Variants in TKFC observed in about 807,000 individuals in gnomAD.
TKFC encodes the protein triokinase/FMN cyclase.
Under a neutral mutation model 61.0 loss-of-function variants are expected in TKFC, and 46 were observed. That is an observed-to-expected ratio of 0.75 (90% CI 0.60 to 0.96). The LOEUF is 0.96. TKFC is among the 50% of genes least tolerant of loss of function. The pLI is 0.00. For missense variants in TKFC, 715 were observed against 777.5 expected, an observed-to-expected ratio of 0.92 and a Z score of 0.96; for synonymous variants, 314 against 330.1, an observed-to-expected ratio of 0.95 and a Z score of 0.53.
intron 13 of TKFC, 27 bp from the exon 14 acceptor site, chr11:61,345,233 T>C: frequency 6.7e-7 from 1 of 1,495,138 alleles, no homozygotes; most frequent in South Asian, 1.3e-5. Flanking sequence ...GATCTCTGAA[T>C]TCCTCCCCAT....
At chr11:61,350,864 C>A (rs1443779267), downstream of TKFC, 7 of 1,386,774 alleles carry the variant, frequency 5.0e-6, no homozygotes, top group Non-Finnish European at 6.7e-6. Context: ...TAACTCCACC[C>A]TCAAGTTACT....
At position 61,345,903 on chromosome 11, in the gene TKFC, G is replaced by A; in HGVS notation, c.1532G>A (p.Ser511Asn). Residue 511 changes from serine (S) to asparagine (N), a missense_variant, in exon 17 of 18, where the codon AGC (serine) becomes AAC (asparagine). Coordinates refer to ENST00000394900, the MANE Select transcript of TKFC (RefSeq NM_015533.4). The part of the protein sequence containing the change: ...AAGQELQAWK[S>N]PGADLLQVLT... ...GGGCAGGAGCTCCAAGCCTGGAAGAGCCCAGGAGCTGATCTGTTACAAGTC... is the reference window on the plus strand; with the variant it reads ...GGGCAGGAGCTCCAAGCCTGGAAGAACCCAGGAGCTGATCTGTTACAAGTC... 6 of 1,614,122 alleles carry A rather than the reference G, an allele frequency of 3.7e-6. No homozygotes were observed. The highest frequency in any genetic ancestry group is 1.3e-5 in the African/African-American group (1 of 75,056).
chr11:61,353,376 T>G, downstream of TKFC: 1 of 611,054 alleles, frequency 1.6e-6, no homozygotes. Flanking sequence ...CCAACCACCT[T>G]GTTTGTCTCT....
Position 61,347,601 on chromosome 11 carries a change from C to T in TKFC, c.*1098C>T, listed in dbSNP as rs1400410087. The T allele has an allele frequency of 7.1e-6, 7 of 984,406 alleles. No homozygotes were observed. Among genetic ancestry groups the T allele is most frequent in the African/African-American group, 1.8e-5 (1 of 56,828 alleles). 61.0% of individuals were successfully genotyped at this position (984,406 alleles called of 1,614,324 possible). A position where few individuals can be genotyped will look rare whatever the true frequency, so the allele number is the denominator to read the frequency against. The stretch of plus-strand genomic sequence containing the variant: ...CCAGCCCCTAGGTCTCTTTCTAGAG[C>T]GATCACTGATGGCACCAGGGTGAGC... On this transcript the variant is annotated 3_prime_UTR_variant, in exon 18 of 18. Transcript: ENST00000394900.
At chr11:61,352,280 A>G (rs1857447870), downstream of TKFC, 2 of 149,530 alleles carry the variant, frequency 1.3e-5, 1 homozygote, top group South Asian at 4.3e-4. Flanking sequence ...GCCCTCGGGT[A>G]AGTTACGTAA....
At position 61,345,052 on chromosome 11, in the gene TKFC, G is replaced by C. The variant is rs574004651; in HGVS notation, c.1241-208G>C. 2.0e-5 allele frequency among the ~76,000 whole-genome samples: 3 copies of C among 152,330 alleles called. No individual in the cohort carries two copies. In the South Asian group the frequency reaches 6.2e-4, roughly 32 times the overall value. On this transcript the variant is annotated intron_variant, in intron 13 of 17. Transcript: ENST00000394900. ...CAGAGTACAGAGCGTCAAGTGGAGG[G>C]CTTCGGGGCAGGCCTCACCTCCCCA...
downstream of TKFC, chr11:61,349,698 C>T (rs1210173812): frequency 2.1e-5 from 15 of 700,822 alleles, no homozygotes; most frequent in Middle Eastern, 2.3e-4. Context: ...AGCAGCAATA[C>T]GAAACAGAAC....
chr11:61,338,897 T>C (rs1275761022), intron 3 of TKFC, among the ~76,000 whole-genome samples, 169 bp from the exon 4 acceptor site: 1 of 152,158 alleles, frequency 6.6e-6, no homozygotes, highest in Non-Finnish European at 1.5e-5. Flanking sequence ...AGAAGGCCTC[T>C]CTAAGATGCC....
chr11:61,345,927 T>G lies in TKFC; in HGVS notation c.1556T>G (p.Val519Gly). The change falls in exon 17 of 18, where the codon GTC becomes GGC. Residue 519 changes from valine to glycine, a missense_variant. By Grantham distance (109) the Val-to-Gly change is moderately radical. Transcript: ENST00000394900. ...AGCCCAGGAGCTGATCTGTTACAAG[T>G]CCTGACCAAAGCAGTCAAGGTGAGT... The part of the protein sequence containing the change: ...WKSPGADLLQ[V>G]LTKAVKSAEA... The G allele has an allele frequency of 6.2e-7, 1 of 1,613,932 alleles. No individual in the cohort carries two copies. The highest frequency in any genetic ancestry group is 8.5e-7 in the Non-Finnish European group (1 of 1,180,016).
At position 61,343,928 on chromosome 11, in the gene TKFC, T is replaced by G. The variant is rs61742358; in HGVS notation, c.1055T>G (p.Val352Gly). Residue 352 changes from valine (V) to glycine (G), a missense_variant, in exon 12 of 18, where the codon GTA (valine) becomes GGA (glycine). Transcript: ENST00000394900. ...ATTACTGGGCGGAAGCGGAGCCGGG[T>G]AGCCCCTGCCGAGCCCCAGGAGGCC... ...VSITGRKRSR[V>G]APAEPQEAPD... 1.6e-3 allele frequency: 2,642 copies of G among 1,611,132 alleles called. 50 individuals carry two copies. In the African/African-American group the frequency reaches 0.031, roughly 19 times the overall value.
At chr11:61,338,673 G>T (rs1235949587) in intron 3 of TKFC, among the ~76,000 whole-genome samples, 2 of 152,202 alleles carry the variant, frequency 1.3e-5, no homozygotes, top group African/African-American at 4.8e-5. Context: ...ACCTGGCGCT[G>T]TACTGGGCAC....
At chr11:61,353,400 C>T (rs1857509688), downstream of TKFC, 4 of 607,374 alleles carry the variant, frequency 6.6e-6, no homozygotes, top group South Asian at 3.8e-5. Context: ...TCCTTCCAGT[C>T]CTTGCTCATA....
chr11:61,336,592 A>G (rs1389776058), intron 2 of TKFC, among the ~76,000 whole-genome samples: 2 of 152,232 alleles, frequency 1.3e-5, no homozygotes, highest in African/African-American at 4.8e-5. Flanking sequence ...TATTTTACAG[A>G]GGAAGAATTT....
downstream of TKFC, chr11:61,351,105 C>G: frequency 6.2e-7 from 1 of 1,613,834 alleles, no homozygotes; most frequent in East Asian, 2.2e-5. Context: ...TGGCAAAGAC[C>G]GCCTCACTGG....
chr11:61,344,824 T>C (rs745654764), intron 13 of TKFC, among the ~76,000 whole-genome samples: 2 of 152,338 alleles, frequency 1.3e-5, no homozygotes, highest in Non-Finnish European at 2.9e-5. Context: ...CTGTCCAGCA[T>C]CATTCATTCG....
At chr11:61,344,988 A>G (rs1857046373) in intron 13 of TKFC, among the ~76,000 whole-genome samples, 1 of 152,228 alleles carries the variant, frequency 6.6e-6, no homozygotes, top group Non-Finnish European at 1.5e-5. Flanking sequence ...AGAGGATGTT[A>G]GCACAAAGGG....
Position 61,347,929 on chromosome 11 carries a change from G to A in TKFC, c.*1426G>A, listed in dbSNP as rs374422859. On this transcript the variant is annotated 3_prime_UTR_variant, in exon 18 of 18. Coordinates refer to ENST00000394900, the MANE Select transcript of TKFC (RefSeq NM_015533.4). ...GGTTATCACAGGGGTTGGGCCCCCA[G>A]CCCCTCCCAGGTCATCTGCTCTACC... 343 of 985,318 alleles carry A rather than the reference G, an allele frequency of 3.5e-4. 3 individuals are homozygous for A. In the African/African-American group the frequency reaches 5.3e-3, roughly 15 times the overall value. 61.0% of individuals were successfully genotyped at this position (985,318 alleles called of 1,614,324 possible).
chr11:61,346,679 A>C lies in TKFC; in HGVS notation c.*176A>C. 2.8e-6 allele frequency: 4 copies of C among 1,407,914 alleles called. No homozygotes were observed. The highest frequency in any genetic ancestry group is 3.7e-6 in the Non-Finnish European group (4 of 1,083,434). 87.2% of individuals were successfully genotyped at this position (1,407,914 alleles called of 1,614,324 possible). A position where few individuals can be genotyped will look rare whatever the true frequency, so the allele number is the denominator to read the frequency against. On this transcript the variant is annotated 3_prime_UTR_variant, in exon 18 of 18. Coordinates refer to ENST00000394900, the MANE Select transcript of TKFC (RefSeq NM_015533.4). The surrounding 1 kb of genome is among the most constrained non-coding windows in gnomAD (Gnocchi z 4.1). ...TTCCAGAACTACAGACAGCACCCAGAGTGAGCTGGAGTGGGTCCCCATGCC... is the reference window on the plus strand; with the variant it reads ...TTCCAGAACTACAGACAGCACCCAGCGTGAGCTGGAGTGGGTCCCCATGCC...
rs760207562 is a variant in TKFC, at chr11:61,338,021, G to A, written c.84G>A (p.Leu28=). 3.7e-6 allele frequency: 6 copies of A among 1,613,472 alleles called. No individual in the cohort carries two copies. In the Admixed American group the frequency reaches 1.0e-4, roughly 27 times the overall value. Residue 28 remains leucine, a synonymous_variant, in exon 3 of 18, where the codon CTG becomes CTA. Coordinates refer to ENST00000394900, the MANE Select transcript of TKFC (RefSeq NM_015533.4). ...GCCTGGTGGCCTGCAACCCCAACCT[G>A]CAGCTCCTGCAGGGCCACCGCGTGG... is the stretch of plus-strand genomic sequence containing the variant. The part of the protein sequence containing the change: ...LAGLVACNPN[L]QLLQGHRVAL...
Sources: gnomAD v4.1 joint callset for allele counts (sites outside exome capture counted in the v4.1 genomes callset) on GRCh38, gnomAD v4.1.1 for gene constraint, Gnocchi (gnomAD v3.1) non-coding constraint, MANE v1.5 for transcripts, NCBI Gene and HGNC (gene_info 2026-07-23, HGNC 2026-07-21) for gene names.